Variants in RBMS1 observed in about 807,000 individuals in gnomAD.
RBMS1 encodes the protein RNA-binding motif, single-stranded-interacting protein 1.
A neutral mutation model predicts 62.3 loss-of-function variants in RBMS1; 17 were observed. The ratio of observed to expected loss-of-function variants is 0.27; its 90% confidence interval spans 0.19 to 0.41. RBMS1 has a LOEUF of 0.41. Among genes scored for constraint, RBMS1 ranks in the 10% least tolerant of loss-of-function variants. RBMS1 has a pLI of 1.00. For synonymous variants in RBMS1, 172 were observed against 170.0 expected (o/e 1.01, Z -0.09); for missense variants, 334 against 504.5 (o/e 0.66, Z 3.24).
intron 1 of RBMS1, among the ~76,000 whole-genome samples, chr2:160,477,909 C>T (rs906914479): frequency 2.0e-5 from 3 of 152,184 alleles, no homozygotes; most frequent in Non-Finnish European, 4.4e-5. Flanking sequence ...ACAAAGCTAC[C>T]GCTATGTTTT....
At chr2:160,356,040 T>G (rs1316804121) in intron 2 of RBMS1, among the ~76,000 whole-genome samples, 1 of 152,156 alleles carries the variant, frequency 6.6e-6, no homozygotes, top group Non-Finnish European at 1.5e-5. Flanking sequence ...TGTTCTTATA[T>G]GCCCATTATT....
At chr2:160,278,001 C>A in intron 11 of RBMS1, 1 of 160,180 alleles carries the variant, frequency 6.2e-6, no homozygotes, top group Non-Finnish European at 1.4e-5. Flanking sequence ...TCTTTTAAGC[C>A]ACTATAGAAT....
At chr2:160,351,690 T>C (rs752382991) in intron 2 of RBMS1, among the ~76,000 whole-genome samples, 2 of 152,138 alleles carry the variant, frequency 1.3e-5, no homozygotes, top group Non-Finnish European at 2.9e-5. Flanking sequence ...GTGCATCCAC[T>C]AATTTCTTTG....
chr2:160,406,432 G>T (rs2105241708), intron 1 of RBMS1, among the ~76,000 whole-genome samples: 1 of 152,324 alleles, frequency 6.6e-6, no homozygotes, highest in Admixed American at 6.5e-5. Context: ...GGTCTGCATG[G>T]AAGGCTACAG....
chr2:160,377,409 A>G (rs909996815), intron 1 of RBMS1, among the ~76,000 whole-genome samples: 3 of 152,216 alleles, frequency 2.0e-5, no homozygotes, highest in African/African-American at 7.2e-5. Context: ...TAAAATGCAG[A>G]TTTTGACTCA....
chr2:160,383,069 TTCCAA>T, intron 1 of RBMS1, among the ~76,000 whole-genome samples: 1 of 152,294 alleles, frequency 6.6e-6, no homozygotes, highest in Admixed American at 6.5e-5. Flanking sequence ...GGCTGTTAGT[TTCCAA>T]GGGATGCTGT....
chr2:160,439,643 C>A (rs1352202404), intron 1 of RBMS1, among the ~76,000 whole-genome samples: 4 of 151,974 alleles, frequency 2.6e-5, no homozygotes, highest in Admixed American at 2.0e-4. Flanking sequence ...CCTCACTTCC[C>A]GGACGGGGTG....
intron 2 of RBMS1, among the ~76,000 whole-genome samples, chr2:160,324,261 GCACA>G (rs75747766): frequency 3.8e-4 from 58 of 151,308 alleles, no homozygotes; most frequent in African/African-American, 1.0e-3. Context: ...GCGTGCGCGT[GCACA>G]CACACACACA....
At chr2:160,289,435 T>C (rs531344186) in intron 6 of RBMS1, among the ~76,000 whole-genome samples, 6 of 152,352 alleles carry the variant, frequency 3.9e-5, no homozygotes, top group African/African-American at 1.2e-4. Context: ...TGCTGGCTGC[T>C]TGTTTCAGGG....
intron 1 of RBMS1, among the ~76,000 whole-genome samples, chr2:160,423,911 C>T (rs949687470): frequency 6.6e-6 from 1 of 152,130 alleles, no homozygotes; most frequent in Non-Finnish European, 1.5e-5. Flanking sequence ...GGAGGGTAAA[C>T]TCGTCCAGAG....
intron 5 of RBMS1, among the ~76,000 whole-genome samples, chr2:160,301,892 C>T (rs1162002622): frequency 1.3e-5 from 2 of 152,156 alleles, no homozygotes; most frequent in Non-Finnish European, 2.9e-5. Context: ...ATGTGATTGT[C>T]ATTTGTGTAT....
chr2:160,365,224 G>C (rs1405528685), intron 2 of RBMS1, among the ~76,000 whole-genome samples: 1 of 152,170 alleles, frequency 6.6e-6, no homozygotes, highest in African/African-American at 2.4e-5. Context: ...GAAGTTTCCA[G>C]CAAATTTTGA....
chr2:160,428,392 G>T (rs1311685767), intron 1 of RBMS1, among the ~76,000 whole-genome samples: 1 of 152,076 alleles, frequency 6.6e-6, no homozygotes, highest in African/African-American at 2.4e-5. Context: ...CTTTTTATTG[G>T]CTGGATTAAT....
chr2:160,329,080 G>A (rs1241499116), intron 2 of RBMS1, among the ~76,000 whole-genome samples: 2 of 152,096 alleles, frequency 1.3e-5, no homozygotes, highest in African/African-American at 2.4e-5. Flanking sequence ...GAACACTAAC[G>A]CTGGCTTTGA....
intron 1 of RBMS1, chr2:160,407,696 G>C (rs1007124939): frequency 7.6e-5 from 75 of 981,812 alleles, no homozygotes; most frequent in Non-Finnish European, 8.8e-5. Flanking sequence ...GCAGCTCCGC[G>C]CTGACTTCCC....
intron 2 of RBMS1, among the ~76,000 whole-genome samples, chr2:160,340,036 G>C (rs528185887): frequency 6.6e-6 from 1 of 152,092 alleles, no homozygotes. Context: ...ATTAATTTCA[G>C]TATTAGCCAA....
At chr2:160,287,626 C>T (rs1688468823) in intron 6 of RBMS1, among the ~76,000 whole-genome samples, 1 of 152,242 alleles carries the variant, frequency 6.6e-6, no homozygotes, top group South Asian at 2.1e-4. Context: ...CTAGGCTATA[C>T]GCCCCATGGG....
intron 3 of RBMS1, among the ~76,000 whole-genome samples, chr2:160,314,791 A>G (rs1484426297): frequency 6.6e-6 from 1 of 152,230 alleles, no homozygotes; most frequent in Non-Finnish European, 1.5e-5. Context: ...GATCTAGGTA[A>G]AACAAAGAAT....
At chr2:160,418,772 G>C (rs1483852449) in intron 1 of RBMS1, among the ~76,000 whole-genome samples, 1 of 152,098 alleles carries the variant, frequency 6.6e-6, no homozygotes, top group South Asian at 2.1e-4. Context: ...TCATTTATCT[G>C]TAATGTTCCC....
Sources: gnomAD v4.1 joint callset for allele counts (sites outside exome capture counted in the v4.1 genomes callset) on GRCh38, gnomAD v4.1.1 for gene constraint, MANE v1.5 for transcripts, NCBI Gene and HGNC (gene_info 2026-07-23, HGNC 2026-07-21) for gene names.